AKT3: variants seen among roughly 807,000 people sequenced by gnomAD.
The protein encoded by AKT3 is AKT serine/threonine kinase 3.
In AKT3, 15 loss-of-function variants were observed where a neutral mutation model predicts 65.3. That is an observed-to-expected ratio of 0.23 (90% confidence interval 0.15 to 0.35). AKT3 has a LOEUF of 0.35. Ranked by LOEUF, AKT3 falls within the 10% of genes least tolerant of loss-of-function variation. The pLI is 1.00. For synonymous variants in AKT3, 206 were observed against 183.8 expected (o/e 1.12, Z -0.98); for missense variants, 243 against 576.5 (o/e 0.42, Z 5.92).
intron 13 of AKT3, among the ~76,000 whole-genome samples, chr1:243,511,884 G>C (rs968051613): frequency 6.6e-6 from 1 of 152,184 alleles, no homozygotes; most frequent in Non-Finnish European, 1.5e-5. Flanking sequence ...AGAGAGCTAA[G>C]TAAAAAGGAG....
intron 2 of AKT3, among the ~76,000 whole-genome samples, chr1:243,797,854 G>C (rs1285221200): frequency 1.4e-5 from 2 of 146,426 alleles, no homozygotes; most frequent in Admixed American, 1.4e-4. Context: ...CAAAAGTTAG[G>C]ATAACAAAAA....
At chr1:243,699,696 C>G (rs545905779) in intron 2 of AKT3, among the ~76,000 whole-genome samples, 1 of 151,586 alleles carries the variant, frequency 6.6e-6, no homozygotes, top group African/African-American at 2.4e-5. Context: ...ATCCCAGGAA[C>G]CTGTGAATAT....
intron 13 of AKT3, among the ~76,000 whole-genome samples, chr1:243,508,834 T>G (rs1669840244): frequency 6.6e-6 from 1 of 151,726 alleles, no homozygotes; most frequent in South Asian, 2.1e-4. Context: ...TCTGGCTAAT[T>G]TTTGTATTTT....
chr1:243,714,451 A>C (rs1267133164), intron 2 of AKT3, among the ~76,000 whole-genome samples: 10 of 152,186 alleles, frequency 6.6e-5, no homozygotes, highest in Admixed American at 6.5e-4. Flanking sequence ...AGAATAAACT[A>C]TAGCTGTTGA....
chr1:243,799,531 T>C (rs114920270), intron 2 of AKT3, among the ~76,000 whole-genome samples: 7,758 of 152,272 alleles, frequency 0.051, 263 homozygotes, highest in Non-Finnish European at 0.07. Flanking sequence ...AAATATACTT[T>C]AGCATTCTTC....
chr1:243,784,184 T>G (rs1406424893), intron 2 of AKT3, among the ~76,000 whole-genome samples: 1 of 152,156 alleles, frequency 6.6e-6, no homozygotes, highest in Non-Finnish European at 1.5e-5. Context: ...ACACCCGTCC[T>G]GAGAAGTACA....
At chr1:243,846,313 C>T (rs1360528446) in intron 1 of AKT3, among the ~76,000 whole-genome samples, 5 of 151,936 alleles carry the variant, frequency 3.3e-5, no homozygotes, top group Non-Finnish European at 5.9e-5. Context: ...TGGGAATCTC[C>T]CTAATTATAA....
At chr1:243,752,109 T>C (rs1442501680) in intron 2 of AKT3, among the ~76,000 whole-genome samples, 1 of 152,148 alleles carries the variant, frequency 6.6e-6, no homozygotes, top group Non-Finnish European at 1.5e-5. Context: ...ATTTAAGAGA[T>C]AACTGAAAGT....
At chr1:243,604,421 A>C (rs1401361731) in intron 8 of AKT3, among the ~76,000 whole-genome samples, 1 of 151,272 alleles carries the variant, frequency 6.6e-6, no homozygotes, top group Non-Finnish European at 1.5e-5. Context: ...ACCTGTGCAG[A>C]CTCTCTGGCT....
chr1:243,488,902 G>C (rs1166011894), intron 13 of AKT3: 4 of 1,504,638 alleles, frequency 2.7e-6, no homozygotes, highest in Non-Finnish European at 3.7e-6. Flanking sequence ...GTCACCCTAG[G>C]CGTCCTGCTC....
At chr1:243,586,013 A>C (rs1675775081) in intron 8 of AKT3, among the ~76,000 whole-genome samples, 1 of 152,230 alleles carries the variant, frequency 6.6e-6, no homozygotes, top group African/African-American at 2.4e-5. Flanking sequence ...GTGTATAAGA[A>C]AGTTAAACAA....
chr1:243,583,166 G>GTATATATATA (rs1479928964), intron 8 of AKT3, among the ~76,000 whole-genome samples: 35 of 85,768 alleles, frequency 4.1e-4, no homozygotes, highest in African/African-American at 1.3e-3. Flanking sequence ...ATGTATATGT[G>GTATATATATA]TGTGTATATA....
Position 243,573,752 on chromosome 1 carries a change from T to C in AKT3, c.697-704A>G, listed in dbSNP as rs147348844. Among the ~76,000 whole-genome samples the C allele has an allele frequency of 3.0e-3, 452 of 152,270 alleles. 5 individuals are homozygous for C. Among genetic ancestry groups the C allele is most frequent in the African/African-American group, 0.01 (422 of 41,564 alleles). On this transcript the variant is annotated intron_variant, in intron 8 of 13. Coordinates refer to ENST00000673466, the MANE Select transcript of AKT3 (RefSeq NM_005465.7). ...TCCTTTCTCATATTATCACTAAAAC[T>C]ATAAGCCCATCCATTTCCTAGTCAA...
chr1:243,589,169 G>A lies in AKT3; in HGVS notation c.697-16121C>T, dbSNP rs549344685. On this transcript the variant is annotated intron_variant, in intron 8 of 13. Transcript: ENST00000673466. Reference sequence around the variant, plus strand: ...AAAAATACAAAAATCAGCCAGGCGTGGTGGCAGGCACCTGTAATCCCAGCT... The same window carrying A: ...AAAAATACAAAAATCAGCCAGGCGTAGTGGCAGGCACCTGTAATCCCAGCT... Among the ~76,000 whole-genome samples, 523 of 151,876 alleles carry A rather than the reference G, an allele frequency of 3.4e-3. 2 individuals are homozygous for A. The highest frequency in any genetic ancestry group is 0.012 in the African/African-American group (505 of 41,422).
intron 2 of AKT3, among the ~76,000 whole-genome samples, chr1:243,829,643 G>A (rs555559856): frequency 2.6e-5 from 4 of 152,144 alleles, no homozygotes; most frequent in African/African-American, 9.6e-5. Context: ...TTAAACCTCA[G>A]TAACAAAGAA....
chr1:243,706,228 T>C (rs1685788900), intron 2 of AKT3, among the ~76,000 whole-genome samples: 1 of 152,170 alleles, frequency 6.6e-6, no homozygotes, highest in African/African-American at 2.4e-5. Context: ...ACTATACTCC[T>C]GTCAGAAAAG....
At chr1:243,756,159 T>C (rs925523095) in intron 2 of AKT3, among the ~76,000 whole-genome samples, 2 of 152,224 alleles carry the variant, frequency 1.3e-5, no homozygotes, top group African/African-American at 4.8e-5. Context: ...GTTTTTAATA[T>C]ACAGATGCAG....
chr1:243,678,073 G>A (rs1683653743), intron 3 of AKT3, among the ~76,000 whole-genome samples: 1 of 152,124 alleles, frequency 6.6e-6, no homozygotes. Flanking sequence ...GGGCAACAGA[G>A]CAAGACTCTT....
chr1:243,550,019 A>AC (rs1672937720), intron 11 of AKT3, among the ~76,000 whole-genome samples: 3 of 151,886 alleles, frequency 2.0e-5, no homozygotes, highest in Admixed American at 2.0e-4. Context: ...TCCTAGCTAT[A>AC]CTCTACATGT....
Sources: allele counts gnomAD v4.1 joint callset (sites outside exome capture counted in the v4.1 genomes callset), GRCh38; gene constraint gnomAD v4.1.1; transcripts MANE v1.5; gene names NCBI Gene and HGNC (gene_info 2026-07-23, HGNC 2026-07-21).